INPP4B: variants seen among roughly 807,000 people sequenced by gnomAD.
INPP4B encodes inositol polyphosphate-4-phosphatase type II B, also known as inositol polyphosphate 4-phosphatase type II.
Under a neutral mutation model 122.5 loss-of-function variants are expected in INPP4B, and 55 were observed. The observed-to-expected ratio is 0.45, with a 90% confidence interval of 0.36 to 0.56. INPP4B has a LOEUF of 0.56. Among genes scored for constraint, INPP4B ranks in the 20% least tolerant of loss-of-function variants. INPP4B has a pLI of 0.00. For synonymous variants in INPP4B, 403 were observed against 388.7 expected (o/e 1.04, Z -0.43); for missense variants, 1,000 against 1,097.7 (o/e 0.91, Z 1.26).
intron 2 of INPP4B, among the ~76,000 whole-genome samples, chr4:142,551,423 G>A (rs965071822): frequency 1.3e-5 from 2 of 152,180 alleles, no homozygotes; most frequent in South Asian, 2.1e-4. Context: ...AGGGAGGAGA[G>A]AGGGAGGGTA....
At chr4:142,283,003 G>A (rs1751895922) in intron 9 of INPP4B, among the ~76,000 whole-genome samples, 1 of 152,042 alleles carries the variant, frequency 6.6e-6, no homozygotes, top group Non-Finnish European at 1.5e-5. Context: ...ATTTTGAACT[G>A]ACAAGTTTTA....
intron 23 of INPP4B, among the ~76,000 whole-genome samples, chr4:142,088,684 T>C (rs1389242459): frequency 1.3e-5 from 2 of 152,194 alleles, no homozygotes; most frequent in Non-Finnish European, 2.9e-5. Context: ...ATATTGCTTT[T>C]AAATAATAAG....
intron 5 of INPP4B, among the ~76,000 whole-genome samples, chr4:142,416,649 C>T (rs1805833603): frequency 6.6e-6 from 1 of 152,014 alleles, no homozygotes; most frequent in South Asian, 2.1e-4. Flanking sequence ...GCATAATGAG[C>T]TTCTCATTTT....
At chr4:142,802,782 T>A (rs1043894626) in intron 1 of INPP4B, among the ~76,000 whole-genome samples, 4 of 151,820 alleles carry the variant, frequency 2.6e-5, no homozygotes, top group Non-Finnish European at 5.9e-5. Flanking sequence ...TTTTTTTTTT[T>A]AATGATAATA....
At position 142,353,481 on chromosome 4, in the gene INPP4B, T is replaced by C. The variant is rs576775336; in HGVS notation, c.373-38719A>G. Among the ~76,000 whole-genome samples the C allele has an allele frequency of 2.0e-3, 299 of 152,164 alleles. 3 individuals carry two copies. Among genetic ancestry groups the C allele is most frequent in the Middle Eastern group, 3.4e-3 (1 of 294 alleles). On this transcript the variant is annotated intron_variant, in intron 7 of 25. Coordinates refer to ENST00000262992, the MANE Select transcript of INPP4B (RefSeq NM_001101669.3). ...TTCAGAAGTTTTTAAAAGGTCAGCA[T>C]AAGCAATAACTTCTCTTCTCAGACT...
intron 12 of INPP4B, among the ~76,000 whole-genome samples, chr4:142,224,212 T>C (rs969638539): frequency 6.6e-6 from 1 of 152,136 alleles, no homozygotes; most frequent in African/African-American, 2.4e-5. Context: ...TTTGACAAAA[T>C]ACATAAGTTA....
At chr4:142,534,083 C>T (rs1373531036) in intron 2 of INPP4B, among the ~76,000 whole-genome samples, 4 of 152,168 alleles carry the variant, frequency 2.6e-5, no homozygotes, top group Non-Finnish European at 4.4e-5. Context: ...TGGATCAGAG[C>T]CCCAGCCAAC....
intron 2 of INPP4B, among the ~76,000 whole-genome samples, chr4:142,542,312 T>C (rs1829032412): frequency 6.6e-6 from 1 of 152,226 alleles, no homozygotes; most frequent in Admixed American, 6.5e-5. Context: ...TGTATTAGAC[T>C]TGCTGTGTTC....
intron 2 of INPP4B, among the ~76,000 whole-genome samples, chr4:142,471,354 C>A (rs1007783209): frequency 6.6e-6 from 1 of 152,030 alleles, no homozygotes; most frequent in African/African-American, 2.4e-5. Flanking sequence ...AATGCAAATA[C>A]GTCAATGTGT....
chr4:142,753,405 C>A (rs1476221823), intron 1 of INPP4B, among the ~76,000 whole-genome samples: 1 of 152,002 alleles, frequency 6.6e-6, no homozygotes. Flanking sequence ...TACTCTTAAA[C>A]CTACTTTATA....
intron 2 of INPP4B, among the ~76,000 whole-genome samples, chr4:142,506,407 GT>G (rs962679413): frequency 6.6e-6 from 1 of 152,034 alleles, no homozygotes; most frequent in African/African-American, 2.4e-5. Flanking sequence ...AGGTAATGGA[GT>G]TTTCTAGAAA....
At chr4:142,602,819 AG>A (rs1245714334) in intron 2 of INPP4B, among the ~76,000 whole-genome samples, 1 of 152,208 alleles carries the variant, frequency 6.6e-6, no homozygotes, top group East Asian at 1.9e-4. Flanking sequence ...TCAAAGACCT[AG>A]AGGCAGAAAG....
intron 2 of INPP4B, among the ~76,000 whole-genome samples, chr4:142,581,083 G>A (rs148153461): frequency 2.3e-4 from 35 of 152,084 alleles, no homozygotes; most frequent in African/African-American, 7.9e-4. Flanking sequence ...GGGCAAAAGA[G>A]TGCCATCTTT....
At chr4:142,759,101 A>G (rs1770922388) in intron 1 of INPP4B, among the ~76,000 whole-genome samples, 1 of 152,184 alleles carries the variant, frequency 6.6e-6, no homozygotes, top group Admixed American at 6.5e-5. Flanking sequence ...GATGGCTATT[A>G]TCATTTTATA....
chr4:142,579,519 T>A (rs1218117131), intron 2 of INPP4B, among the ~76,000 whole-genome samples: 2 of 151,964 alleles, frequency 1.3e-5, no homozygotes, highest in African/African-American at 4.8e-5. Context: ...TTTAAATTGG[T>A]AGGCTTAGTA....
At chr4:142,655,513 G>A (rs771284471) in intron 2 of INPP4B, among the ~76,000 whole-genome samples, 12 of 152,146 alleles carry the variant, frequency 7.9e-5, no homozygotes, top group Non-Finnish European at 1.2e-4. Context: ...CAACCTGTAT[G>A]TTAAGTGCTT....
At chr4:142,396,745 T>C (rs1253692155) in intron 7 of INPP4B, among the ~76,000 whole-genome samples, 2 of 152,128 alleles carry the variant, frequency 1.3e-5, no homozygotes, top group African/African-American at 4.8e-5. Flanking sequence ...AATTGTGATA[T>C]ATCACTACAA....
intron 25 of INPP4B, among the ~76,000 whole-genome samples, chr4:142,064,423 C>T (rs1762470885): frequency 1.3e-5 from 2 of 152,096 alleles, no homozygotes. Context: ...GGTAGGTCTA[C>T]ACAGTGGTCT....
At chr4:142,651,429 G>A (rs962306752) in intron 2 of INPP4B, among the ~76,000 whole-genome samples, 1 of 152,116 alleles carries the variant, frequency 6.6e-6, no homozygotes, top group Admixed American at 6.6e-5. Flanking sequence ...AATGAATCCA[G>A]GAGCTGGATT....
Sources: allele counts gnomAD v4.1 joint callset (sites outside exome capture counted in the v4.1 genomes callset), GRCh38; gene constraint gnomAD v4.1.1; transcripts MANE v1.5; gene names NCBI Gene and HGNC (gene_info 2026-07-23, HGNC 2026-07-21).